Variants in IGFL2 observed in about 807,000 individuals in gnomAD.
IGFL2 encodes insulin growth factor-like family member 2.
IGFL2 carries 7 observed loss-of-function variants against 13.9 expected under a neutral mutation model. The observed-to-expected ratio is 0.51, with a 90% CI of 0.29 to 0.95. IGFL2 has a LOEUF of 0.95. Ranked by LOEUF, IGFL2 falls within the 40% of genes least tolerant of loss-of-function variation. The pLI is 0.08. For missense variants in IGFL2, 138 were observed against 147.8 expected (o/e 0.93, Z 0.34); for synonymous variants, 55 against 55.8 (o/e 0.99, Z 0.07).
At chr19:46,161,498 C>T (rs1314889259), downstream of IGFL2, among the ~76,000 whole-genome samples, 1 of 152,118 alleles carries the variant, frequency 6.6e-6, no homozygotes, top group African/African-American at 2.4e-5. Context: ...CTCTATTAAT[C>T]TATGTGCTTC....
chr19:46,153,406 G>C (rs1354552240), intron 1 of IGFL2, among the ~76,000 whole-genome samples: 6 of 151,992 alleles, frequency 3.9e-5, no homozygotes, highest in Admixed American at 3.3e-4. Flanking sequence ...GTTTTGATTT[G>C]CATTTCCCTA....
upstream of IGFL2, chr19:46,148,057 AAGGTAGCAGTCACTTGGAAC>A: frequency 1.9e-6 from 1 of 514,534 alleles, no homozygotes; most frequent in South Asian, 3.0e-5. Context: ...GAGGTCTGAG[AAGGTAGCAGTCACTTGGAAC>A]AGGTCCAGGA....
At chr19:46,090,486 C>T in the IGFL2 span, among the ~76,000 whole-genome samples, 1 of 152,202 alleles carries the variant, frequency 6.6e-6, no homozygotes, top group African/African-American at 2.4e-5. Flanking sequence ...TATTTCCAGT[C>T]TTTGTAAACT....
chr19:46,093,643 G>T, the IGFL2 span, among the ~76,000 whole-genome samples: 2 of 152,112 alleles, frequency 1.3e-5, no homozygotes, highest in Non-Finnish European at 2.9e-5. Flanking sequence ...ATCCCAAGGA[G>T]TCTATAAAGA....
chr19:46,116,454 A>G, the IGFL2 span, among the ~76,000 whole-genome samples: 5 of 152,358 alleles, frequency 3.3e-5, no homozygotes, highest in African/African-American at 9.6e-5. Flanking sequence ...AATAAGAACA[A>G]TGTCTCTTTG....
At chr19:46,138,000 G>C in the IGFL2 span, among the ~76,000 whole-genome samples, 1 of 152,190 alleles carries the variant, frequency 6.6e-6, no homozygotes, top group Non-Finnish European at 1.5e-5. Context: ...TTGCCATGCA[G>C]CTTCTGAATT....
At chr19:46,171,125 G>A in the IGFL2 span, among the ~76,000 whole-genome samples, 32 of 152,216 alleles carry the variant, frequency 2.1e-4, no homozygotes, top group African/African-American at 7.0e-4. Flanking sequence ...CATGGAACCT[G>A]CCGACCTGTG....
At chr19:46,109,005 A>C in the IGFL2 span, among the ~76,000 whole-genome samples, 1 of 152,316 alleles carries the variant, frequency 6.6e-6, no homozygotes, top group Middle Eastern at 3.4e-3. Flanking sequence ...TGGTAGGTGG[A>C]TCTCCTCATG....
chr19:46,207,914 A>C, the IGFL2 span: 8 of 152,356 alleles, frequency 5.3e-5, no homozygotes, highest in African/African-American at 1.7e-4. Flanking sequence ...ACCAATCCCA[A>C]GGGAGGACTC....
chr19:46,156,685 A>G (rs574527322), intron 1 of IGFL2, among the ~76,000 whole-genome samples: 2 of 152,298 alleles, frequency 1.3e-5, no homozygotes, highest in East Asian at 3.9e-4. Context: ...GTTGTATTAG[A>G]AAAAAGGAAA....
chr19:46,129,571 A>G, the IGFL2 span, among the ~76,000 whole-genome samples: 1 of 152,074 alleles, frequency 6.6e-6, no homozygotes, highest in East Asian at 1.9e-4. Flanking sequence ...CTTTGTTCTC[A>G]TTGGTTTCAA....
At chr19:46,117,014 C>T in the IGFL2 span, among the ~76,000 whole-genome samples, 649 of 152,078 alleles carry the variant, frequency 4.3e-3, 1 homozygote, top group African/African-American at 0.014. Flanking sequence ...TTGGCATAAA[C>T]TTAATTGATT....
the IGFL2 span, among the ~76,000 whole-genome samples, chr19:46,129,226 CTCT>C: frequency 6.6e-6 from 1 of 151,270 alleles, no homozygotes; most frequent in Non-Finnish European, 1.5e-5. Context: ...CGGATCTTCC[CTCT>C]TCTTTTTTAA....
the IGFL2 span, among the ~76,000 whole-genome samples, chr19:46,131,853 C>T: frequency 7.2e-5 from 11 of 152,204 alleles, no homozygotes; most frequent in South Asian, 1.0e-3. Flanking sequence ...GTGGGAGAGT[C>T]GCTTGAACCC....
At chr19:46,161,918 C>G (rs372457081), downstream of IGFL2, among the ~76,000 whole-genome samples, 5 of 152,230 alleles carry the variant, frequency 3.3e-5, no homozygotes, top group East Asian at 3.9e-4. Flanking sequence ...TGACACTGGT[C>G]TGTGTGTTTA....
chr19:46,116,920 CTTACACAAG>C, the IGFL2 span, among the ~76,000 whole-genome samples: 1 of 152,108 alleles, frequency 6.6e-6, no homozygotes, highest in African/African-American at 2.4e-5. Flanking sequence ...TATTGTACAA[CTTACACAAG>C]TTAAATTAAT....
the IGFL2 span, among the ~76,000 whole-genome samples, chr19:46,114,654 A>G: frequency 6.6e-6 from 1 of 152,126 alleles, no homozygotes; most frequent in Non-Finnish European, 1.5e-5. Context: ...TCTGATGGTT[A>G]AAAAGTGTGG....
chr19:46,090,044 T>A, the IGFL2 span, among the ~76,000 whole-genome samples: 2 of 152,244 alleles, frequency 1.3e-5, no homozygotes, highest in African/African-American at 4.8e-5. Context: ...TTTTATTATT[T>A]TTTTCTTTTT....
chr19:46,143,849 C>G (rs1240992008), upstream of IGFL2, among the ~76,000 whole-genome samples: 1 of 152,178 alleles, frequency 6.6e-6, no homozygotes, highest in African/African-American at 2.4e-5. Context: ...TCTACTGTGA[C>G]CCATCACTTG....
Sources: allele counts gnomAD v4.1 joint callset (sites outside exome capture counted in the v4.1 genomes callset), GRCh38; gene constraint gnomAD v4.1.1; transcripts MANE v1.5; gene names NCBI Gene and HGNC (gene_info 2026-07-23, HGNC 2026-07-21).